The following CD2AP variants were observed in gnomAD, a reference collection of about 807,000 sequenced individuals.
CD2AP encodes the protein CD2 associated protein, also known as CD2-associated protein.
In CD2AP, 46 loss-of-function variants were observed where a neutral mutation model predicts 85.1. The observed-to-expected ratio is 0.54, with a 90% CI of 0.43 to 0.69. The LOEUF is 0.69. Among genes scored for constraint, CD2AP ranks in the 30% least tolerant of loss-of-function variants. CD2AP has a pLI of 0.00. For missense variants in CD2AP, 769 were observed against 729.5 expected (o/e 1.05, Z -0.62); for synonymous variants, 255 against 252.9 (o/e 1.01, Z -0.08).
chr6:47,584,852 T>G (rs1043944197), intron 11 of CD2AP, among the ~76,000 whole-genome samples: 1 of 152,120 alleles, frequency 6.6e-6, no homozygotes, highest in African/African-American at 2.4e-5. Flanking sequence ...TACCAAGATA[T>G]GTAGAACCAC....
intron 17 of CD2AP, among the ~76,000 whole-genome samples, chr6:47,616,658 C>T (rs773139261): frequency 7.2e-5 from 11 of 152,194 alleles, no homozygotes; most frequent in Non-Finnish European, 1.3e-4. Flanking sequence ...TTAGGTCTAG[C>T]TGCCTTCTTG....
intron 2 of CD2AP, among the ~76,000 whole-genome samples, chr6:47,532,959 C>G (rs1219659871): frequency 6.6e-6 from 1 of 151,550 alleles, no homozygotes; most frequent in African/African-American, 2.4e-5. Flanking sequence ...TATTTTATAG[C>G]CATGACTTAG....
At chr6:47,479,938 A>G (rs1205578142) in intron 1 of CD2AP, among the ~76,000 whole-genome samples, 1 of 151,684 alleles carries the variant, frequency 6.6e-6, no homozygotes, top group Non-Finnish European at 1.5e-5. Flanking sequence ...GTGATTCTGC[A>G]TAGGGGAAAA....
chr6:47,590,046 T>C (rs958766096), intron 11 of CD2AP, among the ~76,000 whole-genome samples: 4 of 152,100 alleles, frequency 2.6e-5, no homozygotes, highest in Non-Finnish European at 5.9e-5. Context: ...AGTTTTAAAT[T>C]ATCTCTATGT....
chr6:47,607,756 C>G, intron 14 of CD2AP, 171 bp from the exon 15 acceptor site: 1 of 536,206 alleles, frequency 1.9e-6, no homozygotes, highest in Non-Finnish European at 3.3e-6. Context: ...TCAAGATATG[C>G]AAATGTGTTA....
chr6:47,525,305 A>G (rs1422321184), intron 2 of CD2AP, among the ~76,000 whole-genome samples: 1 of 152,138 alleles, frequency 6.6e-6, no homozygotes, highest in Non-Finnish European at 1.5e-5. Flanking sequence ...TACTAATTTT[A>G]TATACTTCTG....
At chr6:47,519,656 T>G (rs1766533784) in intron 2 of CD2AP, among the ~76,000 whole-genome samples, 1 of 152,208 alleles carries the variant, frequency 6.6e-6, no homozygotes, top group East Asian at 1.9e-4. Flanking sequence ...AGATATATAG[T>G]GGAATTTATT....
intron 3 of CD2AP, among the ~76,000 whole-genome samples, chr6:47,542,860 G>C (rs998449486): frequency 6.6e-6 from 1 of 151,978 alleles, no homozygotes; most frequent in Non-Finnish European, 1.5e-5. Context: ...AATTTAGAAA[G>C]CTATTTGTGG....
chr6:47,615,791 TA>T (rs143744141), intron 17 of CD2AP, among the ~76,000 whole-genome samples: 27,999 of 106,118 alleles, frequency 0.26, 3,171 homozygotes, highest in Middle Eastern at 0.41. Context: ...TAATTTAATT[TA>T]ATTTATTTAT....
At chr6:47,537,921 T>A (rs1767097311) in intron 3 of CD2AP, among the ~76,000 whole-genome samples, 1 of 151,642 alleles carries the variant, frequency 6.6e-6, no homozygotes, top group African/African-American at 2.4e-5. Flanking sequence ...GGCTAATTTT[T>A]TCTATTTTTA....
intron 5 of CD2AP, among the ~76,000 whole-genome samples, chr6:47,565,564 A>G (rs1461711001): frequency 6.6e-6 from 1 of 152,040 alleles, no homozygotes; most frequent in Non-Finnish European, 1.5e-5. Flanking sequence ...GATGCCCAAA[A>G]TTGATCCTCT....
intron 1 of CD2AP, among the ~76,000 whole-genome samples, chr6:47,497,119 T>A (rs1765874931): frequency 6.6e-6 from 1 of 151,470 alleles, no homozygotes; most frequent in Admixed American, 6.6e-5. Context: ...TTAAAATAAT[T>A]ACTTTCACAT....
At chr6:47,586,616 A>T (rs1456064049) in intron 11 of CD2AP, among the ~76,000 whole-genome samples, 1 of 152,212 alleles carries the variant, frequency 6.6e-6, no homozygotes, top group Non-Finnish European at 1.5e-5. Flanking sequence ...TCAAAATTAA[A>T]ACCTTTTGAG....
rs1333895823 is a variant in CD2AP, at chr6:47,566,309, TA to T, written c.542-7754del. Among the ~76,000 whole-genome samples the T allele has an allele frequency of 4.4e-4, 25 of 57,288 alleles. 1 individual carries two copies. The highest frequency in any genetic ancestry group is 1.0e-3 in the Non-Finnish European group (23 of 23,056). The allele number at this position is 57,288 out of a possible 152,430, so 37.6% of individuals were successfully genotyped here. On this transcript the variant is annotated intron_variant, in intron 5 of 17. Transcript: ENST00000359314. Reference sequence around the variant, plus strand: ...GTCTACCTGCTCATTAGAATATATATATATATATATATATACACATACACAT... The same window carrying T: ...GTCTACCTGCTCATTAGAATATATATTATATATATATATACACATACACAT...
chr6:47,623,217 C>T (rs1213134771), intron 17 of CD2AP, among the ~76,000 whole-genome samples: 1 of 152,156 alleles, frequency 6.6e-6, no homozygotes, highest in African/African-American at 2.4e-5. Context: ...AAAAATTATA[C>T]TTTTTGACTA....
At chr6:47,601,932 TA>T (rs1384575886) in intron 13 of CD2AP, among the ~76,000 whole-genome samples, 3 of 151,942 alleles carry the variant, frequency 2.0e-5, no homozygotes, top group African/African-American at 7.2e-5. Flanking sequence ...TTTTTTCCCT[TA>T]ACTAACAATG....
chr6:47,483,803 T>C (rs1765503570), intron 1 of CD2AP, among the ~76,000 whole-genome samples: 1 of 151,824 alleles, frequency 6.6e-6, no homozygotes. Context: ...TTTTTTTTTT[T>C]TTTTTTTGCT....
At chr6:47,510,935 T>C (rs926177010) in intron 2 of CD2AP, among the ~76,000 whole-genome samples, 5 of 151,984 alleles carry the variant, frequency 3.3e-5, no homozygotes, top group African/African-American at 1.2e-4. Context: ...TAGCTGGGCA[T>C]GGTGGCGTGC....
intron 17 of CD2AP, among the ~76,000 whole-genome samples, chr6:47,618,261 T>C (rs565018970): frequency 9.9e-5 from 15 of 152,188 alleles, no homozygotes; most frequent in Admixed American, 6.5e-5. Context: ...CAGAGGTTGC[T>C]GTGAGCCGAT....
Sources: allele counts gnomAD v4.1 joint callset (sites outside exome capture counted in the v4.1 genomes callset), GRCh38; gene constraint gnomAD v4.1.1; transcripts MANE v1.5; gene names NCBI Gene and HGNC (gene_info 2026-07-23, HGNC 2026-07-21).